Variants in AFF1 observed in about 807,000 individuals in gnomAD.
The protein encoded by AFF1 is AF4/FMR2 family member 1.
A neutral mutation model predicts 121.7 loss-of-function variants in AFF1; 48 were observed. The ratio of observed to expected loss-of-function variants is 0.39; its 90% CI spans 0.31 to 0.50. The LOEUF is 0.50. Ranked by LOEUF, AFF1 falls within the 20% of genes least tolerant of loss-of-function variation. The pLI, the probability that AFF1 is intolerant of heterozygous loss-of-function variation, is 0.76. For synonymous variants in AFF1, 613 were observed against 563.0 expected (o/e 1.09, Z -1.26); for missense variants, 1,523 against 1,511.7 (o/e 1.01, Z -0.12).
intron 2 of AFF1, among the ~76,000 whole-genome samples, chr4:86,984,294 A>G (rs1240270636): frequency 6.7e-6 from 1 of 148,614 alleles, no homozygotes; most frequent in Non-Finnish European, 1.5e-5. Context: ...CTGTATTTCA[A>G]GTGACCCTTT....
intron 20 of AFF1, 60 bp downstream of exon 20, chr4:87,134,754 T>G: frequency 1.5e-6 from 2 of 1,357,142 alleles, no homozygotes; most frequent in Non-Finnish European, 2.1e-6. Context: ...GGAATAAACA[T>G]TGGTTTATAT....
chr4:86,964,900 T>C (rs907010213), intron 2 of AFF1, among the ~76,000 whole-genome samples: 1 of 151,488 alleles, frequency 6.6e-6, no homozygotes, highest in Admixed American at 6.5e-5. Flanking sequence ...GTCGTAAACA[T>C]CTTTTATACC....
rs746139256 is a variant in AFF1 at position 87,101,922 on chromosome 4, AAAGCTTTGGGC to A, written c.1284-3701_1284-3691del. On this transcript the variant is annotated intron_variant, in intron 8 of 20. Transcript: ENST00000395146. ...GAGATGTTACAAAATATTGGCAGTG[AAAGCTTTGGGC>A]AAGCCCAGTACTAAGAAATGGAAAA... 1.9e-4 allele frequency among the ~76,000 whole-genome samples: 29 copies of A among 152,384 alleles called. No homozygotes were observed. The Middle Eastern group carries it at 0.01, about 54-fold the overall frequency.
intron 4 of AFF1, among the ~76,000 whole-genome samples, chr4:87,065,314 C>CA (rs1721231626): frequency 6.6e-6 from 1 of 152,100 alleles, no homozygotes. Flanking sequence ...CTCACTGTTA[C>CA]AAGAACAGCA....
chr4:87,119,433 C>CAGTA (rs1439429698), intron 12 of AFF1, among the ~76,000 whole-genome samples: 4 of 151,842 alleles, frequency 2.6e-5, no homozygotes, highest in African/African-American at 4.8e-5. Flanking sequence ...AAATTAGGCA[C>CAGTA]AGTAGCGCAT....
chr4:87,042,666 A>G (rs928326638), intron 2 of AFF1, among the ~76,000 whole-genome samples: 3 of 152,250 alleles, frequency 2.0e-5, no homozygotes, highest in African/African-American at 7.2e-5. Context: ...GTCTGCCGAT[A>G]AAATCTTAAC....
chr4:87,009,207 C>T (rs1440852481), intron 2 of AFF1, among the ~76,000 whole-genome samples: 2 of 152,242 alleles, frequency 1.3e-5, no homozygotes, highest in Admixed American at 1.3e-4. Context: ...TGGGTAAGTA[C>T]TTTTATTATC....
At chr4:87,065,449 A>T (rs236679) in intron 4 of AFF1, among the ~76,000 whole-genome samples, 9 of 151,560 alleles carry the variant, frequency 5.9e-5, no homozygotes, top group Admixed American at 5.9e-4. Context: ...AGGAAGAAAT[A>T]TAAACCAGCA....
Position 87,094,489 on chromosome 4 carries a change from G to A in AFF1, c.1229-426G>A, listed in dbSNP as rs555035728. Among the ~76,000 whole-genome samples, 111 of 152,244 alleles carry A rather than the reference G, an allele frequency of 7.3e-4. 1 individual carries two copies. The South Asian group carries it at 0.022, about 30-fold the overall frequency. ...GCAGGTGGGGAGTTGAATAATGAAGGGACAGGTGGGATGGAGAGCACCTAG... is the reference window on the plus strand; with the variant it reads ...GCAGGTGGGGAGTTGAATAATGAAGAGACAGGTGGGATGGAGAGCACCTAG... On this transcript the variant is annotated intron_variant, in intron 7 of 20. Transcript: ENST00000395146.
chr4:87,013,018 ACTG>A (rs1340417736), intron 2 of AFF1, among the ~76,000 whole-genome samples: 1 of 139,194 alleles, frequency 7.2e-6, no homozygotes, highest in Non-Finnish European at 1.5e-5. Flanking sequence ...ACCAGATTGA[ACTG>A]CTATCAAGTT....
intron 8 of AFF1, among the ~76,000 whole-genome samples, chr4:87,101,585 A>AAG (rs386400727): frequency 3.5e-5 from 1 of 28,688 alleles, no homozygotes; most frequent in Non-Finnish European, 9.0e-5. Context: ...TCTGAAAAAG[A>AAG]AAAAAAAAAA....
chr4:86,982,875 A>AAAAAAAAAC (rs1723883637), intron 2 of AFF1, among the ~76,000 whole-genome samples: 1 of 137,228 alleles, frequency 7.3e-6, no homozygotes, highest in African/African-American at 2.7e-5. Context: ...AAAAAAAAAA[A>AAAAAAAAAC]GGAAGCTTGT....
chr4:87,069,622 C>G (rs371283522), intron 4 of AFF1, among the ~76,000 whole-genome samples: 6 of 151,266 alleles, frequency 4.0e-5, no homozygotes, highest in African/African-American at 7.3e-5. Flanking sequence ...CCTTTCCCCC[C>G]ACTTCCTCCC....
intron 8 of AFF1, among the ~76,000 whole-genome samples, chr4:87,104,698 T>C (rs1417257633): frequency 6.6e-6 from 1 of 152,222 alleles, no homozygotes; most frequent in Non-Finnish European, 1.5e-5. Context: ...GATTTTTGAA[T>C]AGGTGTTTTT....
At chr4:86,954,956 A>C (rs888856079) in intron 2 of AFF1, among the ~76,000 whole-genome samples, 4 of 152,128 alleles carry the variant, frequency 2.6e-5, no homozygotes, top group Non-Finnish European at 5.9e-5. Context: ...TTATATTAGT[A>C]TATTACTTAT....
chr4:86,948,232 C>T (rs1484519498), intron 1 of AFF1, among the ~76,000 whole-genome samples: 2 of 151,942 alleles, frequency 1.3e-5, no homozygotes, highest in African/African-American at 4.8e-5. Context: ...ATTTCCTTTT[C>T]TCCTCCCCCT....
rs371472185 is a variant in AFF1 at position 87,047,498 on chromosome 4, G to A, written c.963G>A (p.Pro321=). The change falls in exon 4 of 21, where the codon CCG becomes CCA. Residue 321 remains proline (P), a synonymous_variant. Transcript: ENST00000395146. ...AATCCCCTGAACTGAAACCACTGCC[G>A]GAGGACTATCGACAGCAGACCTTTG... ...PSESPELKPL[P]EDYRQQTFEK... 13 of 1,614,084 alleles carry A rather than the reference G, an allele frequency of 8.1e-6. No homozygotes were observed. The highest frequency in any genetic ancestry group is 3.3e-5 in the Admixed American group (2 of 60,014).
At chr4:87,135,523 A>G in intron 20 of AFF1, 57 bp from the exon 21 acceptor site, 11 of 1,450,132 alleles carry the variant, frequency 7.6e-6, no homozygotes, top group Non-Finnish European at 9.2e-6. Context: ...TTCCATTTTA[A>G]TTTTTGTGTG....
intron 2 of AFF1, among the ~76,000 whole-genome samples, chr4:86,980,078 T>A (rs1449555267): frequency 6.6e-6 from 1 of 152,160 alleles, no homozygotes; most frequent in African/African-American, 2.4e-5. Context: ...ACCCGGCTAA[T>A]TCTTGTGTTT....
Sources: gnomAD v4.1 joint callset for allele counts (sites outside exome capture counted in the v4.1 genomes callset) on GRCh38, gnomAD v4.1.1 for gene constraint, MANE v1.5 for transcripts, NCBI Gene and HGNC (gene_info 2026-07-23, HGNC 2026-07-21) for gene names.